The following DCUN1D3 variants were observed in gnomAD, a reference collection of about 807,000 sequenced individuals.
DCUN1D3 encodes DCN1-like protein 3.
A neutral mutation model predicts 24.8 loss-of-function variants in DCUN1D3; 6 were observed. The observed-to-expected ratio is 0.24, with a 90% CI of 0.13 to 0.48. DCUN1D3 has a LOEUF of 0.48. Among genes scored for constraint, DCUN1D3 ranks in the 20% least tolerant of loss-of-function variants. The probability of loss-of-function intolerance (pLI) is 0.99; values close to 1 mark genes in which losing one functional copy is unlikely to be tolerated. For missense variants in DCUN1D3, 258 were observed against 379.4 expected (o/e 0.68, Z 2.66); for synonymous variants, 120 against 144.9 (o/e 0.83, Z 1.24).
rs200878695 is a variant in DCUN1D3, at chr16:20,857,231, G to C, written c.*2655C>G. The C allele has an allele frequency of 6.6e-6, 1 of 152,202 alleles. No homozygotes were observed. The highest frequency in any genetic ancestry group is 1.5e-5 in the Non-Finnish European group (1 of 68,036). The allele number at this position is 152,202 out of a possible 1,614,324, so 9.4% of individuals were successfully genotyped here. On this transcript the variant is annotated 3_prime_UTR_variant, in exon 3 of 3. Coordinates refer to ENST00000324344, the MANE Select transcript of DCUN1D3 (RefSeq NM_173475.4). ...AAGTACTCAAACTTGAAAGGAACTT[G>C]TAAGTCCCTCCCTGACTGCTCCCTT...
chr16:20,862,370 T>C lies in DCUN1D3; in HGVS notation c.169A>G (p.Lys57Glu). 1 of 1,614,172 alleles carries C rather than the reference T, an allele frequency of 6.2e-7. No homozygotes were observed. Among genetic ancestry groups the C allele is most frequent in the Non-Finnish European group, 8.5e-7 (1 of 1,180,026 alleles). The change falls in exon 2 of 3, where the codon AAG (lysine) becomes GAG (glutamate). Residue 57 changes from lysine (K) to glutamate (E), a missense_variant. Physicochemically the swap from Lys to Glu is moderately conservative, Grantham distance 56 (BLOSUM62 1). Transcript: ENST00000324344. ...GCCTCAGTGGCAGCCTCGGCCTTCT[T>C]GGTCCCGTTGACGAGGATATCTCCA... ...PGGDILVNGT[K>E]KAEAATEACQ...
At chr16:20,880,210 A>T (rs1194483047) in intron 1 of DCUN1D3, among the ~76,000 whole-genome samples, 1 of 152,200 alleles carries the variant, frequency 6.6e-6, no homozygotes, top group East Asian at 1.9e-4. Context: ...AGTCAAATAT[A>T]AAAAGTACAT....
chr16:20,871,995 G>A (rs561042631), intron 1 of DCUN1D3, among the ~76,000 whole-genome samples: 1 of 152,236 alleles, frequency 6.6e-6, no homozygotes, highest in African/African-American at 2.4e-5. Flanking sequence ...CTTCATCTCC[G>A]TTATAAGCTT....
chr16:20,865,286 T>C (rs1301680809), intron 1 of DCUN1D3, among the ~76,000 whole-genome samples: 3 of 151,890 alleles, frequency 2.0e-5, no homozygotes, highest in African/African-American at 7.3e-5. Flanking sequence ...CTTTAAATGG[T>C]AGGATAATTG....
At chr16:20,895,785 A>G (rs1454147349) in intron 1 of DCUN1D3, among the ~76,000 whole-genome samples, 1 of 152,226 alleles carries the variant, frequency 6.6e-6, no homozygotes, top group Non-Finnish European at 1.5e-5. Context: ...CCATTGTGCA[A>G]AGAGCTCCAG....
intron 1 of DCUN1D3, among the ~76,000 whole-genome samples, chr16:20,897,744 C>T (rs2081922932): frequency 6.6e-6 from 1 of 152,168 alleles, no homozygotes; most frequent in Non-Finnish European, 1.5e-5. Context: ...AGAGGTGTGT[C>T]CTCAATTGAA....
chr16:20,863,484 T>A (rs2081744161), intron 1 of DCUN1D3, among the ~76,000 whole-genome samples: 1 of 152,194 alleles, frequency 6.6e-6, no homozygotes, highest in South Asian at 2.1e-4. Flanking sequence ...CTCACATCTG[T>A]AATCCCAACA....
intron 1 of DCUN1D3, among the ~76,000 whole-genome samples, chr16:20,891,127 A>G (rs1460373268): frequency 6.6e-6 from 1 of 151,772 alleles, no homozygotes; most frequent in Admixed American, 6.6e-5. Context: ...CCGAATAGCT[A>G]CGATTACAGG....
chr16:20,887,459 G>A (rs147835910), intron 1 of DCUN1D3, among the ~76,000 whole-genome samples: 1 of 152,226 alleles, frequency 6.6e-6, no homozygotes, highest in Admixed American at 6.5e-5. Context: ...GCCACACTTT[G>A]AGAAACAGTG....
At position 20,859,029 on chromosome 16, in the gene DCUN1D3, ACTATCAAAGAAGT is replaced by A. The variant is rs2152515647; in HGVS notation, c.*844_*856del. ...ACAGAAACTTCATCAAAGAAAGAAAACTATCAAAGAAGTCTACTTCCAGCAAAACTGAGGTAGC... is the reference window on the plus strand; with the variant it reads ...ACAGAAACTTCATCAAAGAAAGAAAACTACTTCCAGCAAAACTGAGGTAGC... On this transcript the variant is annotated 3_prime_UTR_variant, in exon 3 of 3. Transcript: ENST00000324344. 1 of 152,072 alleles carries A rather than the reference ACTATCAAAGAAGT, an allele frequency of 6.6e-6. No homozygotes were observed. The highest frequency in any genetic ancestry group is 2.1e-4 in the South Asian group (1 of 4,770). 9.4% of individuals were successfully genotyped at this position (152,072 alleles called of 1,614,324 possible).
At chr16:20,862,752 G>A (rs759565373) in intron 1 of DCUN1D3, 109 bp from the exon 2 acceptor site, 114 of 1,083,508 alleles carry the variant, frequency 1.1e-4, no homozygotes, top group African/African-American at 2.1e-4. Context: ...AGCCAACAAC[G>A]AACCATGGGA....
At chr16:20,878,551 C>A (rs2081827492) in intron 1 of DCUN1D3, among the ~76,000 whole-genome samples, 1 of 152,240 alleles carries the variant, frequency 6.6e-6, no homozygotes, top group South Asian at 2.1e-4. Flanking sequence ...GGCTGCTGGT[C>A]TGAACTGCAT....
intron 1 of DCUN1D3, among the ~76,000 whole-genome samples, chr16:20,890,909 CA>C (rs1483226314): frequency 1.3e-5 from 2 of 148,168 alleles, no homozygotes; most frequent in Admixed American, 6.7e-5. Context: ...AGCACCTGGT[CA>C]AAATTTTTTT....
rs879111709 is a variant in DCUN1D3 at position 20,859,570 on chromosome 16, C to CAAAAAAAAA, written c.*307_*315dup. On this transcript the variant is annotated 3_prime_UTR_variant, in exon 3 of 3. Transcript: ENST00000324344. ...AAAAAAAAAAAAAAACAAAAAAAAA[C>CAAAAAAAAA]AAAAAAAAAACCTAAATTTGTGCAA... The CAAAAAAAAA allele has an allele frequency of 1.1e-5, 1 of 91,250 alleles. No individual in the cohort carries two copies. 5.7% of individuals were successfully genotyped at this position (91,250 alleles called of 1,614,324 possible).
rs2081701743 is a variant in DCUN1D3, at chr16:20,856,107, T to C, written c.*3779A>G. The C allele has an allele frequency of 6.6e-6, 1 of 152,226 alleles. No individual in the cohort carries two copies. The highest frequency in any genetic ancestry group is 2.4e-5 in the African/African-American group (1 of 41,450). 9.4% of individuals were successfully genotyped at this position (152,226 alleles called of 1,614,324 possible). On this transcript the variant is annotated 3_prime_UTR_variant, in exon 3 of 3. Transcript: ENST00000324344. Reference sequence around the variant, plus strand: ...TAACTGAGTCTACACCTTTTGGGCTTTGCTGCACTGAAGACCTCATTTGGA... The same window carrying C: ...TAACTGAGTCTACACCTTTTGGGCTCTGCTGCACTGAAGACCTCATTTGGA...
intron 1 of DCUN1D3, among the ~76,000 whole-genome samples, chr16:20,887,012 A>G (rs2081870753): frequency 6.6e-6 from 1 of 152,218 alleles, no homozygotes; most frequent in Non-Finnish European, 1.5e-5. Flanking sequence ...ATTCATACAC[A>G]TTAAAAAACA....
intron 1 of DCUN1D3, chr16:20,896,164 T>C (rs150817663): frequency 7.0e-4 from 107 of 152,352 alleles, no homozygotes; most frequent in Admixed American, 5.7e-3. Flanking sequence ...GTATATTAAA[T>C]GCATTTTTTT....
At chr16:20,875,966 TATTTA>T (rs2081812885) in intron 1 of DCUN1D3, among the ~76,000 whole-genome samples, 1 of 152,162 alleles carries the variant, frequency 6.6e-6, no homozygotes, top group Non-Finnish European at 1.5e-5. Flanking sequence ...ATTTTTATTT[TATTTA>T]TTTATTTTTT....
At chr16:20,863,825 A>G (rs2081745874) in intron 1 of DCUN1D3, among the ~76,000 whole-genome samples, 1 of 152,218 alleles carries the variant, frequency 6.6e-6, no homozygotes, top group South Asian at 2.1e-4. Context: ...CCACACATCT[A>G]CAACCATCTG....
Sources: allele counts gnomAD v4.1 joint callset (sites outside exome capture counted in the v4.1 genomes callset), GRCh38; gene constraint gnomAD v4.1.1; transcripts MANE v1.5; gene names NCBI Gene and HGNC (gene_info 2026-07-23, HGNC 2026-07-21).